The following SPIDR variants were observed in gnomAD, a reference collection of about 807,000 sequenced individuals.
SPIDR encodes DNA repair-scaffolding protein.
A neutral mutation model predicts 104.6 loss-of-function variants in SPIDR; 93 were observed. The ratio of observed to expected loss-of-function variants is 0.89; its 90% CI spans 0.75 to 1.06. The LOEUF is 1.06. SPIDR is among the 50% of genes least tolerant of loss of function. The pLI is 0.00. For missense variants in SPIDR, 1,154 were observed against 1,111.2 expected (o/e 1.04, Z -0.55); for synonymous variants, 431 against 416.9 (o/e 1.03, Z -0.41).
At position 47,495,389 on chromosome 8, in the gene SPIDR, A is replaced by C. The variant is rs548620348; in HGVS notation, c.1097+54847A>C. Among the ~76,000 whole-genome samples the C allele has an allele frequency of 5.2e-3, 651 of 126,390 alleles. 5 individuals are homozygous for C. The highest frequency in any genetic ancestry group is 0.02 in the African/African-American group (586 of 29,106). The allele number at this position is 126,390 out of a possible 152,430, so 82.9% of individuals were successfully genotyped here. On this transcript the variant is annotated intron_variant, in intron 8 of 19. Coordinates refer to ENST00000297423, the MANE Select transcript of SPIDR (RefSeq NM_001080394.4). ...AGAGCTGCTTTACCCCCTCCCACCC[A>C]AAAAAAAAAAAAGATATAATTAACA...
chr8:47,579,852 G>A (rs1443129845), intron 8 of SPIDR, among the ~76,000 whole-genome samples: 1 of 152,148 alleles, frequency 6.6e-6, no homozygotes, highest in Non-Finnish European at 1.5e-5. Context: ...GATTGTGGCA[G>A]GATCTTCCTT....
Position 47,407,933 on chromosome 8 carries a change from A to G in SPIDR, c.849A>G (p.Gln283=), listed in dbSNP as rs377425115. The G allele has an allele frequency of 3.6e-5, 58 of 1,594,536 alleles. No homozygotes were observed. The highest frequency in any genetic ancestry group is 4.2e-5 in the Non-Finnish European group (49 of 1,167,880). The change falls in exon 7 of 20, where the codon CAA becomes CAG. Residue 283 remains glutamine (Q), a synonymous_variant. Coordinates refer to ENST00000297423, the MANE Select transcript of SPIDR (RefSeq NM_001080394.4). ...ERSAISLWRH[Q]CISYQKTLSG... Reference sequence around the variant, plus strand: ...CTGCTATTTCTTTGTGGAGACATCAATGTATTTCTTACCAAAAGACACTTT... The same window carrying G: ...CTGCTATTTCTTTGTGGAGACATCAGTGTATTTCTTACCAAAAGACACTTT...
chr8:47,465,456 G>C (rs1035979401), intron 8 of SPIDR, among the ~76,000 whole-genome samples: 7 of 152,176 alleles, frequency 4.6e-5, no homozygotes, highest in Non-Finnish European at 1.0e-4. Flanking sequence ...ATAGACGGCT[G>C]GGCACGTGGC....
chr8:47,665,852 A>G (rs535198071), intron 10 of SPIDR, among the ~76,000 whole-genome samples: 2 of 152,370 alleles, frequency 1.3e-5, no homozygotes, highest in African/African-American at 2.4e-5. Context: ...AAATATTGCT[A>G]ACATTTTGTT....
intron 11 of SPIDR, among the ~76,000 whole-genome samples, chr8:47,683,439 C>T (rs1438139319): frequency 1.3e-5 from 2 of 152,170 alleles, no homozygotes; most frequent in Non-Finnish European, 2.9e-5. Context: ...TTGGCTGGGA[C>T]TCATAGGTTC....
intron 5 of SPIDR, among the ~76,000 whole-genome samples, chr8:47,337,010 C>G (rs1394360786): frequency 2.6e-5 from 4 of 152,138 alleles, no homozygotes; most frequent in Admixed American, 6.5e-5. Context: ...ATTTGCATTT[C>G]TCTAATGGCT....
intron 8 of SPIDR, among the ~76,000 whole-genome samples, chr8:47,503,200 TTC>T (rs1254459078): frequency 6.6e-6 from 1 of 152,182 alleles, no homozygotes; most frequent in Non-Finnish European, 1.5e-5. Flanking sequence ...CTTGTTAACT[TTC>T]TGTCTCGTTG....
chr8:47,506,862 C>T (rs1414979903), intron 8 of SPIDR, among the ~76,000 whole-genome samples: 2 of 152,164 alleles, frequency 1.3e-5, no homozygotes, highest in Non-Finnish European at 2.9e-5. Context: ...GGCGGTCCCT[C>T]CAAATCGATT....
rs1369950372 is a variant in SPIDR at position 47,673,933 on chromosome 8, C to T, written c.1677C>T (p.Thr559=). The part of the protein sequence containing the change: ...LVGMKVLQKV[T]RGRTAGIFSL... ...GAATGAAGGTTCTACAGAAAGTCAC[C>T]AGAGGAAGGTGAGAACGTGCAGGAA... The change falls in exon 11 of 20, where the codon ACC becomes ACT. Residue 559 remains threonine, a synonymous_variant. Coordinates refer to ENST00000297423, the MANE Select transcript of SPIDR (RefSeq NM_001080394.4). 5 of 1,613,810 alleles carry T rather than the reference C, an allele frequency of 3.1e-6. No homozygotes were observed. Among genetic ancestry groups the T allele is most frequent in the Non-Finnish European group, 3.4e-6 (4 of 1,179,932 alleles).
intron 8 of SPIDR, among the ~76,000 whole-genome samples, chr8:47,504,002 C>T (rs1440482782): frequency 6.6e-6 from 1 of 152,192 alleles, no homozygotes; most frequent in Non-Finnish European, 1.5e-5. Flanking sequence ...GCCGAGAGAC[C>T]AGCTGTTAGT....
rs1299428038 is a variant in SPIDR at position 47,545,107 on chromosome 8, CTTTCTTTCTTTCTTTT to C, written c.1098-50700_1098-50685del. ...TCTTTCTTTCTTTCTTTCTTTCTTT[CTTTCTTTCTTTCTTTT>C]TTTTTTTTTTTTGTTGAAACGGAGT... On this transcript the variant is annotated intron_variant, in intron 8 of 19. Coordinates refer to ENST00000297423, the MANE Select transcript of SPIDR (RefSeq NM_001080394.4). 9.2e-4 allele frequency among the ~76,000 whole-genome samples: 117 copies of C among 126,698 alleles called. 1 individual carries two copies. The highest frequency in any genetic ancestry group is 8.3e-3 in the Middle Eastern group (2 of 242). The allele number at this position is 126,698 out of a possible 152,430, so 83.1% of individuals were successfully genotyped here.
intron 5 of SPIDR, among the ~76,000 whole-genome samples, chr8:47,305,179 A>G (rs1208948777): frequency 6.6e-6 from 1 of 152,248 alleles, no homozygotes; most frequent in Non-Finnish European, 1.5e-5. Flanking sequence ...GAATTCTCAT[A>G]ACCTAATTTT....
chr8:47,357,640 G>C (rs1276519972), intron 5 of SPIDR, among the ~76,000 whole-genome samples: 2 of 152,100 alleles, frequency 1.3e-5, no homozygotes, highest in African/African-American at 2.4e-5. Context: ...TATAATTTTT[G>C]GTTCTTTTGT....
At chr8:47,720,564 AATGACAT>A (rs2083250789) in intron 16 of SPIDR, among the ~76,000 whole-genome samples, 1 of 152,132 alleles carries the variant, frequency 6.6e-6, no homozygotes, top group Non-Finnish European at 1.5e-5. Context: ...GCAATTCCTT[AATGACAT>A]ATGACATTTA....
intron 5 of SPIDR, among the ~76,000 whole-genome samples, chr8:47,371,548 G>A (rs2058027777): frequency 6.6e-6 from 1 of 152,112 alleles, no homozygotes; most frequent in South Asian, 2.1e-4. Context: ...GAAAGAACAA[G>A]CTAGCTCTTT....
intron 8 of SPIDR, among the ~76,000 whole-genome samples, chr8:47,576,788 A>G (rs574638175): frequency 5.9e-5 from 9 of 152,358 alleles, no homozygotes; most frequent in African/African-American, 2.2e-4. Context: ...CATATCCATT[A>G]TTGCCTTAAA....
intron 8 of SPIDR, among the ~76,000 whole-genome samples, chr8:47,452,271 C>T (rs1288950263): frequency 5.3e-5 from 8 of 151,914 alleles, no homozygotes; most frequent in African/African-American, 1.9e-4. Context: ...AATGAGAAAA[C>T]GAAACAAGCA....
intron 5 of SPIDR, among the ~76,000 whole-genome samples, chr8:47,294,936 A>G (rs1554571811): frequency 0.011 from 1,632 of 152,062 alleles, 10 homozygotes; most frequent in Non-Finnish European, 0.016. Context: ...GACTCCAATT[A>G]CATGTATATT....
chr8:47,349,476 T>G (rs2052966331), intron 5 of SPIDR, among the ~76,000 whole-genome samples: 2 of 152,154 alleles, frequency 1.3e-5, no homozygotes, highest in African/African-American at 4.8e-5. Flanking sequence ...CAAACTCCAT[T>G]CTAGGAGAAC....
Sources: gnomAD v4.1 joint callset for allele counts (sites outside exome capture counted in the v4.1 genomes callset) on GRCh38, gnomAD v4.1.1 for gene constraint, MANE v1.5 for transcripts, NCBI Gene and HGNC (gene_info 2026-07-23, HGNC 2026-07-21) for gene names.